Variants in PPTC7 observed in about 807,000 individuals in gnomAD.
PPTC7 encodes protein phosphatase PTC7 homolog.
PPTC7 carries 6 observed loss-of-function variants against 30.8 expected under a neutral mutation model. That is an observed-to-expected ratio of 0.19 (90% CI 0.11 to 0.38). PPTC7 has a LOEUF of 0.38. PPTC7 is among the 10% of genes least tolerant of loss of function. PPTC7 has a pLI of 1.00. For missense variants in PPTC7, 218 were observed against 404.8 expected, an observed-to-expected ratio of 0.54 and a Z score of 3.96; for synonymous variants, 163 against 168.1, an observed-to-expected ratio of 0.97 and a Z score of 0.23.
intron 1 of PPTC7, among the ~76,000 whole-genome samples, chr12:110,571,708 AC>A: frequency 6.6e-6 from 1 of 152,236 alleles, no homozygotes; most frequent in East Asian, 1.9e-4. Flanking sequence ...AGGGTTTCAT[AC>A]TAAAGAGCTT....
In PPTC7 at chr12:110,545,660, C is replaced by A. The variant is rs558453613; in HGVS notation, c.602+220G>T. Among the ~76,000 whole-genome samples the A allele has an allele frequency of 5.3e-5, 8 of 152,268 alleles. No homozygotes were observed. In the South Asian group the frequency reaches 1.2e-3, roughly 24 times the overall value. On this transcript the variant is annotated intron_variant, in intron 3 of 5. Coordinates refer to ENST00000354300, the MANE Select transcript of PPTC7 (RefSeq NM_139283.2). ...AAGCCTGAAATAGTATTTTCATGGT[C>A]TTGTCAAATTATTGGGTATTTATCA...
At chr12:110,542,347 C>T (rs891330751) in intron 3 of PPTC7, among the ~76,000 whole-genome samples, 2 of 150,558 alleles carry the variant, frequency 1.3e-5, no homozygotes, top group African/African-American at 4.9e-5. Flanking sequence ...CTTCTATATG[C>T]AGGGAATAGA....
At chr12:110,579,508 G>A (rs1178022082) in intron 1 of PPTC7, among the ~76,000 whole-genome samples, 1 of 152,148 alleles carries the variant, frequency 6.6e-6, no homozygotes. Flanking sequence ...CCTCCAGGTG[G>A]TATCAGAGGA....
At chr12:110,562,847 C>T (rs1293284459) in intron 1 of PPTC7, among the ~76,000 whole-genome samples, 2 of 150,188 alleles carry the variant, frequency 1.3e-5, no homozygotes, top group African/African-American at 2.4e-5. Flanking sequence ...TCTGGCCAGT[C>T]GCGGTGGCTC....
At chr12:110,558,184 G>A (rs1156805759) in intron 1 of PPTC7, among the ~76,000 whole-genome samples, 1 of 152,210 alleles carries the variant, frequency 6.6e-6, no homozygotes, top group Admixed American at 6.5e-5. Context: ...TCAAACTTCA[G>A]GTGCCAGCAG....
rs2064212170 is a variant in PPTC7, at chr12:110,535,508, A to T, written c.*1529T>A. On this transcript the variant is annotated 3_prime_UTR_variant, in exon 6 of 6. Transcript: ENST00000354300. The stretch of plus-strand genomic sequence containing the variant: ...CAAATTCACAAAACAAAATCTTTTA[A>T]AACAAGTTGAGGTAACCTCAAACAT... 6.6e-6 allele frequency: 1 copy of T among 152,662 alleles called. No individual in the cohort carries two copies. The highest frequency in any genetic ancestry group is 2.4e-5 in the African/African-American group (1 of 41,468). The allele number at this position is 152,662 out of a possible 1,614,324, so 9.5% of individuals were successfully genotyped here. A position where few individuals can be genotyped will look rare whatever the true frequency, so the allele number is the denominator to read the frequency against.
chr12:110,579,286 C>T (rs11065670), intron 1 of PPTC7, among the ~76,000 whole-genome samples: 4,675 of 152,266 alleles, frequency 0.031, 90 homozygotes, highest in East Asian at 0.087. Flanking sequence ...GACTGCCGTC[C>T]GGAAGAGCTC....
At chr12:110,564,796 T>C (rs2064467521) in intron 1 of PPTC7, among the ~76,000 whole-genome samples, 1 of 149,386 alleles carries the variant, frequency 6.7e-6, no homozygotes, top group African/African-American at 2.4e-5. Context: ...ACGTTATATA[T>C]ATATACACGT....
intron 1 of PPTC7, among the ~76,000 whole-genome samples, chr12:110,568,746 T>C (rs1388385002): frequency 6.6e-6 from 1 of 152,184 alleles, no homozygotes; most frequent in Non-Finnish European, 1.5e-5. Flanking sequence ...TATACAAACT[T>C]TCAGCCAAAA....
At chr12:110,575,509 T>G (rs1230669141) in intron 1 of PPTC7, among the ~76,000 whole-genome samples, 1 of 149,582 alleles carries the variant, frequency 6.7e-6, no homozygotes, top group East Asian at 2.0e-4. Flanking sequence ...AAACTCCATT[T>G]GGATACTGTT....
At chr12:110,562,386 G>C (rs968112790) in intron 1 of PPTC7, among the ~76,000 whole-genome samples, 1 of 146,956 alleles carries the variant, frequency 6.8e-6, no homozygotes, top group African/African-American at 2.5e-5. Context: ...AAGTTATACA[G>C]AAAAATGTCA....
At chr12:110,543,236 T>A (rs1276657222) in intron 3 of PPTC7, among the ~76,000 whole-genome samples, 1 of 152,176 alleles carries the variant, frequency 6.6e-6, no homozygotes, top group Non-Finnish European at 1.5e-5. Context: ...AAATTTCTGG[T>A]TCATCTTCAC....
intron 2 of PPTC7, among the ~76,000 whole-genome samples, chr12:110,547,819 A>G (rs143894502): frequency 6.6e-6 from 1 of 152,098 alleles, no homozygotes; most frequent in Non-Finnish European, 1.5e-5. Flanking sequence ...CAAAATGGAG[A>G]ATAGTTCAGG....
intron 3 of PPTC7, among the ~76,000 whole-genome samples, chr12:110,541,054 C>T (rs1443272323): frequency 6.6e-6 from 1 of 150,884 alleles, no homozygotes. Context: ...GGATAACAGG[C>T]GTGAGCCACT....
chr12:110,569,193 C>T (rs2064511991), intron 1 of PPTC7, among the ~76,000 whole-genome samples: 1 of 152,054 alleles, frequency 6.6e-6, no homozygotes. Flanking sequence ...ATTAGCCGGG[C>T]ATGGTGGCGG....
At chr12:110,582,666 G>C (rs1227915759) in intron 1 of PPTC7, 143 bp downstream of exon 1, 5 of 697,610 alleles carry the variant, frequency 7.2e-6, no homozygotes, top group Non-Finnish European at 4.6e-6. Context: ...CGCTTGGCAC[G>C]GCGCCTGGCG....
At chr12:110,542,067 T>C (rs577924842) in intron 3 of PPTC7, among the ~76,000 whole-genome samples, 1 of 152,000 alleles carries the variant, frequency 6.6e-6, no homozygotes, top group East Asian at 1.9e-4. Context: ...AATCACTTGC[T>C]TCAACCCCAA....
rs985368189 is a variant in PPTC7 at position 110,573,780 on chromosome 12, A to T, written c.223+9029T>A. On this transcript the variant is annotated intron_variant, in intron 1 of 5. Transcript: ENST00000354300. ...GCAGATTACTTGAGATTGGGAGTTCAAGACCAGCCTGACCAACATGGAGAA... is the reference window on the plus strand; with the variant it reads ...GCAGATTACTTGAGATTGGGAGTTCTAGACCAGCCTGACCAACATGGAGAA... Among the ~76,000 whole-genome samples the T allele has an allele frequency of 5.3e-5, 8 of 152,186 alleles. No homozygotes were observed. The East Asian group carries it at 1.4e-3, about 26-fold the overall frequency.
chr12:110,557,337 T>A (rs1234809969), intron 1 of PPTC7, among the ~76,000 whole-genome samples: 1 of 152,248 alleles, frequency 6.6e-6, no homozygotes, highest in Non-Finnish European at 1.5e-5. Flanking sequence ...AGTAGTGGCC[T>A]GATCATAGCT....
Sources: gnomAD v4.1 joint callset for allele counts (sites outside exome capture counted in the v4.1 genomes callset) on GRCh38, gnomAD v4.1.1 for gene constraint, MANE v1.5 for transcripts, NCBI Gene and HGNC (gene_info 2026-07-23, HGNC 2026-07-21) for gene names.